DPP3: variants seen among roughly 807,000 people sequenced by gnomAD.
DPP3 encodes the protein dipeptidyl peptidase 3, also known as DPP III.
DPP3 carries 64 observed loss-of-function variants against 89.8 expected under a neutral mutation model. The observed-to-expected ratio is 0.71, with a 90% CI of 0.58 to 0.88. The LOEUF is 0.88. Among genes scored for constraint, DPP3 ranks in the 40% least tolerant of loss-of-function variants. The pLI is 0.00. For synonymous variants in DPP3, 377 were observed against 404.3 expected (o/e 0.93, Z 0.81); for missense variants, 835 against 972.5 (o/e 0.86, Z 1.88).
Position 66,484,984 on chromosome 11 carries a change from G to A in DPP3, c.271-189G>A, listed in dbSNP as rs1855183891. Among the ~76,000 whole-genome samples the A allele has an allele frequency of 2.0e-5, 3 of 152,164 alleles. No individual in the cohort carries two copies. The South Asian group carries it at 6.2e-4, about 32-fold the overall frequency. ...GAAGATCAGTTAGGCCAGACAACGG[G>A]GGTGTGAAAATGGGTCTGTGGAAGT... On this transcript the variant is annotated intron_variant, in intron 2 of 17. Coordinates refer to ENST00000531863, the MANE Select transcript of DPP3 (RefSeq NM_130443.4).
chr11:66,487,167 C>A, intron 4 of DPP3, 101 bp from the exon 5 acceptor site: 2 of 1,128,786 alleles, frequency 1.8e-6, no homozygotes, highest in South Asian at 1.3e-5. Flanking sequence ...GGGGTAGAGG[C>A]TGCTGAAAGG....
intron 17 of DPP3, among the ~76,000 whole-genome samples, chr11:66,507,465 T>TA (rs908755578): frequency 1.0e-4 from 15 of 146,440 alleles, no homozygotes; most frequent in Admixed American, 1.4e-4. Flanking sequence ...AGACTCCATC[T>TA]AAAAAAAAAA....
chr11:66,484,313 C>A (rs1252275219), intron 2 of DPP3, among the ~76,000 whole-genome samples: 2 of 152,132 alleles, frequency 1.3e-5, no homozygotes, highest in East Asian at 3.9e-4. Flanking sequence ...GTGGCAGAAA[C>A]CCAGCTCAAA....
chr11:66,501,825 CAA>C (rs35196491), intron 16 of DPP3, among the ~76,000 whole-genome samples: 26 of 84,364 alleles, frequency 3.1e-4, no homozygotes, highest in East Asian at 3.1e-4. Flanking sequence ...ACTTTGTCTC[CAA>C]AAAAAAAAAA....
chr11:66,504,714 A>G lies in DPP3; in HGVS notation c.1981A>G (p.Thr661Ala). Residue 661 changes from threonine (T) to alanine (A), a missense_variant, in exon 17 of 18, where the codon ACG (threonine) becomes GCG (alanine). Transcript: ENST00000531863. ...CGAGTGCTTCCTCACCCTCAGGGAC[A>G]CGGTGCTGCTGCGTAAGGAATCTCG... ...PPECFLTLRD[T>A]VLLRKESRKL... The G allele has an allele frequency of 1.2e-6, 2 of 1,613,318 alleles. No homozygotes were observed. Among genetic ancestry groups the G allele is most frequent in the Non-Finnish European group, 1.7e-6 (2 of 1,179,858 alleles).
chr11:66,505,152 C>T (rs1855769337), intron 17 of DPP3, among the ~76,000 whole-genome samples: 1 of 152,142 alleles, frequency 6.6e-6, no homozygotes, highest in Admixed American at 6.6e-5. Context: ...ATCCAGCAAG[C>T]CTAGTGAAAC....
intron 2 of DPP3, among the ~76,000 whole-genome samples, chr11:66,484,929 G>A (rs1361223762): frequency 2.0e-5 from 3 of 152,268 alleles, no homozygotes; most frequent in African/African-American, 7.2e-5. Flanking sequence ...AAAGGCAGAC[G>A]AATGCTTGGG....
Position 66,495,189 on chromosome 11 carries a change from C to T in DPP3, c.1390-17C>T, listed in dbSNP as rs946723924. The T allele has an allele frequency of 1.1e-5, 18 of 1,612,100 alleles. No individual in the cohort carries two copies. Among genetic ancestry groups the T allele is most frequent in the Non-Finnish European group, 1.2e-5 (14 of 1,180,016 alleles). On this transcript the variant is annotated splice_polypyrimidine_tract_variant and intron_variant, in intron 12 of 17. Transcript: ENST00000531863. Reference sequence around the variant, plus strand: ...CAGTTGGGGGCGCCTTTCCCTCACCCACCGTGTGTTCTGCAGGACGAAAAA... The same window carrying T: ...CAGTTGGGGGCGCCTTTCCCTCACCTACCGTGTGTTCTGCAGGACGAAAAA...
At chr11:66,496,094 G>A (rs1317663191) in intron 15 of DPP3, among the ~76,000 whole-genome samples, 8 of 152,330 alleles carry the variant, frequency 5.3e-5, no homozygotes, top group Admixed American at 5.2e-4. Flanking sequence ...TCATTTTAGA[G>A]ATGAGGAAGT....
intron 16 of DPP3, among the ~76,000 whole-genome samples, chr11:66,504,208 T>C (rs1855747479): frequency 6.6e-6 from 1 of 151,028 alleles, no homozygotes. Flanking sequence ...TCCTCTCACC[T>C]CGGACTCCCC....
rs1855387862 is a variant in DPP3, at chr11:66,491,544, G to A, written c.849G>A (p.Glu283=). The change falls in exon 8 of 18, where the codon GAG becomes GAA. Residue 283 remains glutamate, a synonymous_variant. Transcript: ENST00000531863. The stretch of plus-strand genomic sequence containing the variant: ...GGCAGATGCTGGCCCAGTATATAGA[G>A]AGCTTCACCCAGGGCTCCATCGAGG... ...HQGQMLAQYI[E]SFTQGSIEAH... The A allele has an allele frequency of 1.2e-6, 2 of 1,613,630 alleles. No homozygotes were observed. The highest frequency in any genetic ancestry group is 1.7e-6 in the Non-Finnish European group (2 of 1,179,832).
chr11:66,502,147 A>T (rs2134748502), intron 16 of DPP3, among the ~76,000 whole-genome samples: 1 of 152,180 alleles, frequency 6.6e-6, no homozygotes, highest in African/African-American at 2.4e-5. Context: ...AGCCAAGATC[A>T]CGCCACTGCG....
intron 2 of DPP3, chr11:66,482,944 C>T (rs1452295343): frequency 6.0e-6 from 1 of 166,896 alleles, no homozygotes; most frequent in African/African-American, 2.4e-5. Flanking sequence ...CAAAAGAAAA[C>T]ACAAAGATCA....
chr11:66,509,551 C>T lies in DPP3; in HGVS notation c.*300C>T. The T allele has an allele frequency of 1.2e-6, 1 of 844,488 alleles. No homozygotes were observed. Among genetic ancestry groups the T allele is most frequent in the Non-Finnish European group, 1.9e-6 (1 of 516,788 alleles). The allele number at this position is 844,488 out of a possible 1,614,324, so 52.3% of individuals were successfully genotyped here. ...TTCTGAGAAGTCACTGGTCTAGATC[C>T]CGCAGGTGGCACGTGACAGCTAGGG... is the stretch of plus-strand genomic sequence containing the variant. On this transcript the variant is annotated 3_prime_UTR_variant, in exon 18 of 18. Transcript: ENST00000531863.
In DPP3 at chr11:66,489,438, C is replaced by T. The variant is rs79418730; in HGVS notation, c.667+1431C>T. ...CCTGGTGCCTAGCGCTTGGTGGATC[C>T]GAGCATCCACTGGGGAGATGATGGC... On this transcript the variant is annotated intron_variant, in intron 6 of 17. Coordinates refer to ENST00000531863, the MANE Select transcript of DPP3 (RefSeq NM_130443.4). 3.9e-4 allele frequency among the ~76,000 whole-genome samples: 59 copies of T among 152,140 alleles called. 1 individual carries two copies. In the East Asian group the frequency reaches 8.3e-3, roughly 21 times the overall value.
At chr11:66,492,970 C>G in intron 10 of DPP3, 60 bp downstream of exon 10, 1 of 1,599,354 alleles carries the variant, frequency 6.3e-7, no homozygotes, top group Middle Eastern at 1.7e-4. Context: ...TCGCCCCTCC[C>G]TGTCCACACA....
At chr11:66,502,580 G>C (rs1002641779) in intron 16 of DPP3, among the ~76,000 whole-genome samples, 10 of 150,828 alleles carry the variant, frequency 6.6e-5, no homozygotes, top group African/African-American at 2.4e-4. Flanking sequence ...TGCCATTCTC[G>C]TGCCTCAGCC....
In DPP3 at chr11:66,493,069, G is replaced by A. The variant is rs201025164; in HGVS notation, c.1186G>A (p.Asp396Asn). The A allele has an allele frequency of 6.8e-6, 11 of 1,614,090 alleles. No homozygotes were observed. Among genetic ancestry groups the A allele is most frequent in the East Asian group, 4.5e-5 (2 of 44,886 alleles). ...TGGTCCTTCTCCACCTTCTCCAGAC[G>A]ATGATCTGAGGCAGACGGAAGGCTT... ...IPAGINIPNY[D>N]DLRQTEGFKN... The change falls in exon 11 of 18, where the codon GAT (aspartate) becomes AAT (asparagine). Residue 396 changes from aspartate (D) to asparagine (N), a missense_variant and splice_region_variant. Physicochemically the swap from Asp to Asn is conservative, Grantham distance 23. Coordinates refer to ENST00000531863, the MANE Select transcript of DPP3 (RefSeq NM_130443.4).
chr11:66,497,263 G>A (rs369568752), intron 15 of DPP3, 35 bp from the exon 16 acceptor site: 13 of 1,599,990 alleles, frequency 8.1e-6, no homozygotes, highest in African/African-American at 6.7e-5. Context: ...CACTTGATAC[G>A]GGCTACAAAT....
Sources: allele counts gnomAD v4.1 joint callset (sites outside exome capture counted in the v4.1 genomes callset), GRCh38; gene constraint gnomAD v4.1.1; transcripts MANE v1.5; gene names NCBI Gene and HGNC (gene_info 2026-07-23, HGNC 2026-07-21).